Variants in ARHGAP20 observed in about 807,000 individuals in gnomAD.
The protein encoded by ARHGAP20 is Rho GTPase activating protein 20.
In ARHGAP20, 34 loss-of-function variants were observed where a neutral mutation model predicts 73.7. The observed-to-expected ratio is 0.46, with a 90% CI of 0.35 to 0.61. The LOEUF (loss-of-function observed/expected upper bound fraction) is 0.61. ARHGAP20 is among the 20% of genes least tolerant of loss of function. The pLI is 0.00. For missense variants in ARHGAP20, 1,314 were observed against 1,420.9 expected (o/e 0.92, Z 1.21); for synonymous variants, 523 against 518.2 (o/e 1.01, Z -0.13).
intron 2 of ARHGAP20, among the ~76,000 whole-genome samples, chr11:110,648,230 TATATATGTAA>T (rs1949262596): frequency 2.3e-5 from 2 of 85,402 alleles, no homozygotes; most frequent in African/African-American, 9.7e-5. Flanking sequence ...TGTATATATA[TATATATGTAA>T]ATATATATAT....
At chr11:110,656,168 G>A (rs1247180043) in intron 2 of ARHGAP20, among the ~76,000 whole-genome samples, 1 of 151,998 alleles carries the variant, frequency 6.6e-6, no homozygotes, top group African/African-American at 2.4e-5. Flanking sequence ...GGGGTGGGAG[G>A]AGTCTCTTGT....
intron 3 of ARHGAP20, among the ~76,000 whole-genome samples, chr11:110,626,459 G>T (rs1948746093): frequency 3.3e-5 from 5 of 152,046 alleles, no homozygotes; most frequent in Admixed American, 1.3e-4. Flanking sequence ...ATATACCATT[G>T]TTGTAAATAC....
chr11:110,643,267 T>G (rs1185901632), intron 2 of ARHGAP20, among the ~76,000 whole-genome samples: 1 of 152,124 alleles, frequency 6.6e-6, no homozygotes, highest in Non-Finnish European at 1.5e-5. Flanking sequence ...ATGTCTCGAT[T>G]TCATCCATTT....
chr11:110,682,999 T>TA (rs34742678), intron 2 of ARHGAP20, among the ~76,000 whole-genome samples: 45,700 of 151,860 alleles, frequency 0.3, 7,612 homozygotes, highest in African/African-American at 0.46. Flanking sequence ...AGCAGAGATT[T>TA]AAAAGTACCT....
At chr11:110,685,928 G>T (rs1261135137) in intron 2 of ARHGAP20, among the ~76,000 whole-genome samples, 1 of 151,656 alleles carries the variant, frequency 6.6e-6, no homozygotes, top group Non-Finnish European at 1.5e-5. Flanking sequence ...GATTTTGGGG[G>T]AAGGCTACGA....
chr11:110,606,683 G>A lies in ARHGAP20; in HGVS notation c.842C>T (p.Ser281Leu). 6.2e-7 allele frequency: 1 copy of A among 1,605,058 alleles called. No individual in the cohort carries two copies. Among genetic ancestry groups the A allele is most frequent in the Non-Finnish European group, 8.5e-7 (1 of 1,177,262 alleles). ...GTTGAAAGGGGTGGTAGAGTCCTTT[G>A]ATCCCGGTGTCAGGAGTGCAGAGTC... is the stretch of plus-strand genomic sequence containing the variant. ...LRDSALLTPG[S>L]KDSTTPFNLQ... Residue 281 changes from serine (S) to leucine (L), a missense_variant, in exon 9 of 15, where the codon TCA becomes TTA. Coordinates refer to ENST00000683387, the MANE Select transcript of ARHGAP20 (RefSeq NM_001384657.1).
intron 2 of ARHGAP20, among the ~76,000 whole-genome samples, chr11:110,641,503 TA>T (rs1949077144): frequency 6.6e-6 from 1 of 152,076 alleles, no homozygotes; most frequent in Non-Finnish European, 1.5e-5. Context: ...ATATGAATTA[TA>T]TATAGTGATG....
intron 2 of ARHGAP20, among the ~76,000 whole-genome samples, chr11:110,647,932 G>A (rs1000154094): frequency 1.3e-5 from 2 of 151,774 alleles, no homozygotes; most frequent in African/African-American, 4.8e-5. Context: ...GCAGTTTTCT[G>A]TAAATTGGTG....
chr11:110,697,760 C>G (rs1950364657), intron 1 of ARHGAP20, among the ~76,000 whole-genome samples: 1 of 151,806 alleles, frequency 6.6e-6, no homozygotes, highest in East Asian at 1.9e-4. Flanking sequence ...TCTGGGTTCT[C>G]TATTCTGCTC....
chr11:110,594,069 G>T (rs1031932541), intron 9 of ARHGAP20, among the ~76,000 whole-genome samples: 1 of 152,218 alleles, frequency 6.6e-6, no homozygotes, highest in African/African-American at 2.4e-5. Context: ...TAATTCCAAA[G>T]AAGTCTTCTA....
At chr11:110,703,693 A>G (rs1396064019) in intron 1 of ARHGAP20, among the ~76,000 whole-genome samples, 1 of 152,108 alleles carries the variant, frequency 6.6e-6, no homozygotes, top group East Asian at 1.9e-4. Context: ...ATCCCCACAC[A>G]TGCAGGATTC....
chr11:110,702,615 A>G (rs1451742155), intron 1 of ARHGAP20, among the ~76,000 whole-genome samples: 1 of 152,194 alleles, frequency 6.6e-6, no homozygotes, highest in East Asian at 1.9e-4. Context: ...TGCAGATGAC[A>G]TGATTGTATA....
intron 2 of ARHGAP20, among the ~76,000 whole-genome samples, chr11:110,646,052 C>T (rs1180008822): frequency 6.6e-6 from 1 of 152,174 alleles, no homozygotes; most frequent in Admixed American, 6.6e-5. Flanking sequence ...TTCATTCATA[C>T]TCCAAACCTT....
intron 1 of ARHGAP20, among the ~76,000 whole-genome samples, chr11:110,700,265 T>C (rs941952008): frequency 1.3e-5 from 2 of 152,082 alleles, no homozygotes; most frequent in Admixed American, 6.6e-5. Flanking sequence ...AGTTGAATTA[T>C]GGATGCTGAA....
At chr11:110,700,712 T>G (rs1341509083) in intron 1 of ARHGAP20, among the ~76,000 whole-genome samples, 3 of 150,950 alleles carry the variant, frequency 2.0e-5, no homozygotes, top group Non-Finnish European at 4.4e-5. Flanking sequence ...TAGCATTAGG[T>G]ATATCTTCCA....
chr11:110,638,212 TA>T (rs1949008856), intron 2 of ARHGAP20, among the ~76,000 whole-genome samples: 1 of 152,054 alleles, frequency 6.6e-6, no homozygotes, highest in African/African-American at 2.4e-5. Flanking sequence ...AACAAAATTA[TA>T]AAAATTGCAT....
Position 110,712,290 on chromosome 11 carries a change from G to A in ARHGAP20, c.-59C>T. 1.6e-6 allele frequency: 2 copies of A among 1,246,234 alleles called. No individual in the cohort carries two copies. Among genetic ancestry groups the A allele is most frequent in the Non-Finnish European group, 2.0e-6 (2 of 981,186 alleles). The allele number at this position is 1,246,234 out of a possible 1,614,324, so 77.2% of individuals were successfully genotyped here. A position where few individuals can be genotyped will look rare whatever the true frequency, so the allele number is the denominator to read the frequency against. On this transcript the variant is annotated 5_prime_UTR_variant, in exon 1 of 15. Coordinates refer to ENST00000683387, the MANE Select transcript of ARHGAP20 (RefSeq NM_001384657.1). ...GGAGGCTACACGATCATGTCCGCGGGCTGCCGGCCGGAGGGGCGAGGACGC... is the reference window on the plus strand; with the variant it reads ...GGAGGCTACACGATCATGTCCGCGGACTGCCGGCCGGAGGGGCGAGGACGC...
At chr11:110,608,472 C>T (rs1205039726) in intron 8 of ARHGAP20, among the ~76,000 whole-genome samples, 3 of 152,070 alleles carry the variant, frequency 2.0e-5, no homozygotes, top group African/African-American at 7.2e-5. Flanking sequence ...ATAATAAAGA[C>T]TTTTAGGAGT....
chr11:110,590,464 T>TAGG (rs1387477154), intron 11 of ARHGAP20, among the ~76,000 whole-genome samples, 184 bp downstream of exon 11: 1 of 152,222 alleles, frequency 6.6e-6, no homozygotes, highest in Non-Finnish European at 1.5e-5. Flanking sequence ...TCATCAGTGG[T>TAGG]AGCTTTTAAA....
Sources: allele counts gnomAD v4.1 joint callset (sites outside exome capture counted in the v4.1 genomes callset), GRCh38; gene constraint gnomAD v4.1.1; transcripts MANE v1.5; gene names NCBI Gene and HGNC (gene_info 2026-07-23, HGNC 2026-07-21).